ADGRV1: variants seen among roughly 807,000 people sequenced by gnomAD.
The protein encoded by ADGRV1 is adhesion G protein-coupled receptor V1, also known as G-protein coupled receptor 98.
A neutral mutation model predicts 596.2 loss-of-function variants in ADGRV1; 359 were observed. The ratio of observed to expected loss-of-function variants is 0.60; its 90% CI spans 0.55 to 0.66. The LOEUF (loss-of-function observed/expected upper bound fraction) is 0.66. ADGRV1 is among the 30% of genes least tolerant of loss of function. ADGRV1 has a pLI of 0.00. For synonymous variants in ADGRV1, 2,681 were observed against 2,679.2 expected, an observed-to-expected ratio of 1.00 and a Z score of -0.02; for missense variants, 7,274 against 7,575.6, an observed-to-expected ratio of 0.96 and a Z score of 1.48.
At chr5:90,937,497 G>A (rs575938261) in intron 83 of ADGRV1, among the ~76,000 whole-genome samples, 41 of 130,626 alleles carry the variant, frequency 3.1e-4, no homozygotes, top group African/African-American at 1.1e-3. Flanking sequence ...TAGCTCTGTC[G>A]CCCAGGCTGG....
chr5:90,828,149 G>T (rs928352385), intron 76 of ADGRV1, among the ~76,000 whole-genome samples: 2 of 152,160 alleles, frequency 1.3e-5, no homozygotes, highest in African/African-American at 2.4e-5. Flanking sequence ...AGACTGTTGA[G>T]AAGGAACCAA....
intron 13 of ADGRV1, 83 bp downstream of exon 13, chr5:90,643,124 T>C: frequency 8.2e-7 from 1 of 1,215,058 alleles, no homozygotes; most frequent in East Asian, 2.5e-5. Flanking sequence ...TTTTGAATAT[T>C]GGCAAAGAGA....
chr5:90,946,886 C>G (rs6860216), intron 83 of ADGRV1, among the ~76,000 whole-genome samples: 36,362 of 152,002 alleles, frequency 0.24, 4,832 homozygotes, highest in Non-Finnish European at 0.3. Context: ...TGGGTTGATT[C>G]CATGTCTTCG....
intron 60 of ADGRV1, 53 bp from the exon 61 acceptor site, chr5:90,776,400 C>G: frequency 6.4e-7 from 1 of 1,552,166 alleles, no homozygotes. Flanking sequence ...CAGGCATATA[C>G]TAAGTGCTTA....
Position 90,689,083 on chromosome 5 carries a change from A to T in ADGRV1, c.6491-778A>T, listed in dbSNP as rs759257305. ...AATCTTTCTAGTGTGCTTTCAGAGG[A>T]ACAGGAATGTGAATGGATGGGATAC... On this transcript the variant is annotated intron_variant, in intron 29 of 89. Transcript: ENST00000405460. Among the ~76,000 whole-genome samples, 38 of 152,136 alleles carry T rather than the reference A, an allele frequency of 2.5e-4. 1 individual carries two copies. Among genetic ancestry groups the T allele is most frequent in the Non-Finnish European group, 7.4e-5 (5 of 68,024 alleles).
At chr5:90,907,432 A>G (rs73771115) in intron 83 of ADGRV1, among the ~76,000 whole-genome samples, 31,539 of 152,040 alleles carry the variant, frequency 0.21, 5,353 homozygotes, top group African/African-American at 0.46. Flanking sequence ...CCTCGAAAAC[A>G]AAGTCTAACC....
chr5:90,628,155 G>T (rs1255086474), intron 7 of ADGRV1, among the ~76,000 whole-genome samples: 3 of 151,674 alleles, frequency 2.0e-5, no homozygotes, highest in Middle Eastern at 3.4e-3. Context: ...TGGCAGGCTT[G>T]GGGGAGGATT....
intron 86 of ADGRV1, among the ~76,000 whole-genome samples, chr5:91,100,204 T>C (rs1440805488): frequency 6.6e-6 from 1 of 152,142 alleles, no homozygotes; most frequent in Non-Finnish European, 1.5e-5. Context: ...TGCGGATCGC[T>C]TGAGCCCGGA....
intron 1 of ADGRV1, among the ~76,000 whole-genome samples, chr5:90,588,068 T>C (rs1759008839): frequency 6.6e-6 from 1 of 152,236 alleles, no homozygotes; most frequent in African/African-American, 2.4e-5. Flanking sequence ...GAATTTATTC[T>C]ACTAGGTATA....
intron 49 of ADGRV1, 99 bp from the exon 50 acceptor site, chr5:90,729,543 T>C: frequency 1.1e-6 from 1 of 930,488 alleles, no homozygotes; most frequent in Non-Finnish European, 1.6e-6. Flanking sequence ...TCTGAGGAAA[T>C]TTGTTTCTTG....
intron 1 of ADGRV1, among the ~76,000 whole-genome samples, chr5:90,560,068 A>G (rs1203444895): frequency 2.0e-5 from 3 of 152,134 alleles, no homozygotes; most frequent in Non-Finnish European, 4.4e-5. Context: ...GTGTTATAAT[A>G]AAATATATTA....
chr5:91,054,092 TGTGTGTGTGTGAGA>T (rs1170668215), intron 85 of ADGRV1, among the ~76,000 whole-genome samples: 22 of 130,448 alleles, frequency 1.7e-4, no homozygotes, highest in African/African-American at 6.7e-4. Flanking sequence ...TGTGTGTGTG[TGTGTGTGTGTGAGA>T]GAGAGAGAGA....
At chr5:90,721,531 AAAAATAAAATAAAATAAAAT>A (rs369937781) in intron 45 of ADGRV1, among the ~76,000 whole-genome samples, 32 of 82,642 alleles carry the variant, frequency 3.9e-4, no homozygotes, top group Non-Finnish European at 7.6e-4. Flanking sequence ...AAATAAAAAT[AAAAATAAAATAAAATAAAAT>A]AAAATAAAAT....
At position 90,658,134 on chromosome 5, in the gene ADGRV1, A is replaced by G; in HGVS notation, c.4608A>G (p.Glu1536=). Residue 1536 remains glutamate (E), a synonymous_variant, in exon 21 of 90, where the codon GAA becomes GAG. Coordinates refer to ENST00000405460, the MANE Select transcript of ADGRV1 (RefSeq NM_032119.4). ...IISARDDNDE[E]GEELFILKLV... is the part of the protein sequence containing the mutation. The stretch of plus-strand genomic sequence containing the variant: ...CTGCAAGAGATGACAATGACGAGGA[A>G]GGAGAAGAATTATTCATTCTTAAAC... The G allele has an allele frequency of 6.2e-7, 1 of 1,613,812 alleles. No homozygotes were observed. The highest frequency in any genetic ancestry group is 1.3e-5 in the African/African-American group (1 of 75,058).
intron 1 of ADGRV1, among the ~76,000 whole-genome samples, chr5:90,608,536 GA>G (rs749238347): frequency 2.6e-5 from 4 of 151,840 alleles, no homozygotes; most frequent in Non-Finnish European, 4.4e-5. Flanking sequence ...TCAAAATTCT[GA>G]AAGAAAATTA....
At position 90,676,122 on chromosome 5, in the gene ADGRV1, A is replaced by G. The variant is rs1382307460; in HGVS notation, c.5356A>G (p.Lys1786Glu). Residue 1786 changes from lysine to glutamate, a missense_variant, in exon 25 of 90, where the codon AAA becomes GAA. By Grantham distance (56) the Lys-to-Glu change is moderately conservative. This residue lies in a region of ADGRV1 where 3,643 missense variants were observed against 3,809.2 expected (regional missense o/e 0.96). Transcript: ENST00000405460. ...TLEFQPGERYKYIFINITDNS... is the reference protein window; with the variant it reads ...TLEFQPGERYEYIFINITDNS... Reference sequence around the variant, plus strand: ...AGAATTTCAACCAGGAGAAAGATATAAATACATTTTCATAAACATCACTGA... The same window carrying G: ...AGAATTTCAACCAGGAGAAAGATATGAATACATTTTCATAAACATCACTGA... The G allele has an allele frequency of 6.2e-7, 1 of 1,604,512 alleles. No homozygotes were observed. The highest frequency in any genetic ancestry group is 1.3e-5 in the African/African-American group (1 of 74,722).
chr5:90,716,474 T>C lies in ADGRV1; in HGVS notation c.9192T>C (p.Ile3064=), dbSNP rs766689728. ...LELGKNTIAL[I]IVLANDDGPG... ...ATATTTTTATTTTGGCAGCCTTAAT[T>C]ATTGTCCTTGCTAATGATGACGGCC... The change falls in exon 43 of 90, where the codon ATT becomes ATC. Residue 3064 remains isoleucine, a synonymous_variant. Coordinates refer to ENST00000405460, the MANE Select transcript of ADGRV1 (RefSeq NM_032119.4). 58 of 1,569,124 alleles carry C rather than the reference T, an allele frequency of 3.7e-5. No individual in the cohort carries two copies. The highest frequency in any genetic ancestry group is 4.9e-5 in the Non-Finnish European group (57 of 1,156,000).
At chr5:90,899,187 C>G (rs1771603710) in intron 83 of ADGRV1, 1 of 152,162 alleles carries the variant, frequency 6.6e-6, no homozygotes, top group Admixed American at 6.5e-5. Flanking sequence ...CATGATTATA[C>G]ATTGTTTGCA....
chr5:91,130,930 G>A lies in ADGRV1; in HGVS notation c.18433-19100G>A, dbSNP rs137865101. Among the ~76,000 whole-genome samples the A allele has an allele frequency of 7.6e-4, 116 of 152,340 alleles. 1 individual carries two copies. The highest frequency in any genetic ancestry group is 1.3e-3 in the Non-Finnish European group (90 of 68,028). ...GATAGTGGCCTCCAGCTGCACCTGT[G>A]TTGCCACAAAGGATGTGATTTCCAT... On this transcript the variant is annotated intron_variant, in intron 87 of 89. Coordinates refer to ENST00000405460, the MANE Select transcript of ADGRV1 (RefSeq NM_032119.4).
Sources: allele counts gnomAD v4.1 joint callset (sites outside exome capture counted in the v4.1 genomes callset), GRCh38; gene constraint gnomAD v4.1.1; regional missense constraint gnomAD v4.1.1; transcripts MANE v1.5; gene names NCBI Gene and HGNC (gene_info 2026-07-23, HGNC 2026-07-21).